ECM1: variants seen among roughly 807,000 people sequenced by gnomAD.
The protein encoded by ECM1 is secretory component p85.
Under a neutral mutation model 57.9 loss-of-function variants are expected in ECM1, and 54 were observed. That is an observed-to-expected ratio of 0.93 (90% CI 0.75 to 1.17). The LOEUF is 1.17. Among genes scored for constraint, ECM1 ranks in the 50% most tolerant of loss-of-function variants. ECM1 has a pLI of 0.00. For synonymous variants in ECM1, 237 were observed against 259.1 expected, an observed-to-expected ratio of 0.91 and a Z score of 0.82; for missense variants, 649 against 688.1, an observed-to-expected ratio of 0.94 and a Z score of 0.64.
intron 9 of ECM1, 106 bp from the exon 10 acceptor site, chr1:150,513,131 G>A: frequency 1.7e-6 from 2 of 1,195,672 alleles, no homozygotes; most frequent in South Asian, 2.5e-5. Flanking sequence ...ACGAGGGAGA[G>A]AGCAGTAGAA....
At chr1:150,512,997 A>G (rs1000924743) in intron 9 of ECM1, among the ~76,000 whole-genome samples, 185 bp downstream of exon 9, 8 of 152,062 alleles carry the variant, frequency 5.3e-5, no homozygotes, top group Non-Finnish European at 1.2e-4. Flanking sequence ...CCCCATCTCT[A>G]AGTTCCTATT....
At chr1:150,513,136 G>A in intron 9 of ECM1, 101 bp from the exon 10 acceptor site, 1 of 1,250,640 alleles carries the variant, frequency 8.0e-7, no homozygotes, top group South Asian at 1.2e-5. Context: ...GGAGAGAGCA[G>A]TAGAAGCTGA....
rs372595822 is a variant in ECM1 at position 150,509,700 on chromosome 1, G to A, written c.161G>A (p.Ser54Asn). The A allele has an allele frequency of 8.1e-5, 106 of 1,305,548 alleles. No individual in the cohort carries two copies. The highest frequency in any genetic ancestry group is 1.1e-4 in the Non-Finnish European group (101 of 939,058). 80.9% of individuals were successfully genotyped at this position (1,305,548 alleles called of 1,614,324 possible). A position where few individuals can be genotyped will look rare whatever the true frequency, so the allele number is the denominator to read the frequency against. Residue 54 changes from serine (S) to asparagine (N), a missense_variant, in exon 3 of 10, where the codon AGC becomes AAC. By Grantham distance (46) the Ser-to-Asn change is conservative. Coordinates refer to ENST00000369047, the MANE Select transcript of ECM1 (RefSeq NM_004425.4). ...CCCCCCTCCCCACCCCTATCCCGAA[G>A]CCTCCCCATGGATCACCCTGACTCC... ...AAPPSPPLSR[S>N]LPMDHPDSSQ...
At position 150,511,455 on chromosome 1, in the gene ECM1, A is replaced by G; in HGVS notation, c.709-2A>G. On this transcript the variant is annotated splice_acceptor_variant, in intron 6 of 9. Coordinates refer to ENST00000369047, the MANE Select transcript of ECM1 (RefSeq NM_004425.4). LOFTEE classifies it high-confidence loss of function. Reference sequence around the variant, plus strand: ...TGGGCTGATCCTCCCCTCTTGCTCTAGTGGGAGGAAGCAATGAGCCGATTC... The same window carrying G: ...TGGGCTGATCCTCCCCTCTTGCTCTGGTGGGAGGAAGCAATGAGCCGATTC... 6.2e-7 allele frequency: 1 copy of G among 1,613,932 alleles called. No individual in the cohort carries two copies. The highest frequency in any genetic ancestry group is 8.5e-7 in the Non-Finnish European group (1 of 1,179,942).
chr1:150,513,219 A>C lies in ECM1; in HGVS notation c.1393-18A>C. 1 of 1,613,204 alleles carries C rather than the reference A, an allele frequency of 6.2e-7. No individual in the cohort carries two copies. The highest frequency in any genetic ancestry group is 8.5e-7 in the Non-Finnish European group (1 of 1,179,262). ...ACCTCCCCACCCCATCATCTGTTTTACTTTTCTCATTCATCAGAAATTAAC... is the reference window on the plus strand; with the variant it reads ...ACCTCCCCACCCCATCATCTGTTTTCCTTTTCTCATTCATCAGAAATTAAC... On this transcript the variant is annotated intron_variant, in intron 9 of 9. Transcript: ENST00000369047.
chr1:150,508,381 G>A (rs1022047318), intron 1 of ECM1, 102 bp downstream of exon 1: 32 of 1,210,614 alleles, frequency 2.6e-5, no homozygotes, highest in Middle Eastern at 2.1e-4. Context: ...GTGATTCTCC[G>A]TTTGGCTTTC....
Position 150,511,463 on chromosome 1 carries a change from G to A in ECM1, c.715G>A (p.Glu239Lys), listed in dbSNP as rs1670438035. Residue 239 changes from glutamate (E) to lysine (K), a missense_variant, in exon 7 of 10, where the codon GAA becomes AAA. Transcript: ENST00000369047. ...RLECAKLVWEEAMSRFCEAEF... is the reference protein window; with the variant it reads ...RLECAKLVWEKAMSRFCEAEF... Reference sequence around the variant, plus strand: ...TCCTCCCCTCTTGCTCTAGTGGGAGGAAGCAATGAGCCGATTCTGTGAGGC... The same window carrying A: ...TCCTCCCCTCTTGCTCTAGTGGGAGAAAGCAATGAGCCGATTCTGTGAGGC... 3 of 1,614,102 alleles carry A rather than the reference G, an allele frequency of 1.9e-6. No individual in the cohort carries two copies. In the African/African-American group the frequency reaches 4.0e-5, roughly 22 times the overall value.
rs781095324 is a variant in ECM1 at position 150,510,978 on chromosome 1, G to T, written c.488G>T (p.Arg163Leu). 4 of 1,614,184 alleles carry T rather than the reference G, an allele frequency of 2.5e-6. No individual in the cohort carries two copies. The highest frequency in any genetic ancestry group is 3.4e-6 in the Non-Finnish European group (4 of 1,180,026). Residue 163 changes from arginine (R) to leucine (L), a missense_variant, in exon 6 of 10, where the codon CGG (arginine) becomes CTG (leucine). Transcript: ENST00000369047. ...QDRSQGGWGH[R>L]LDGFPPGRPS... ...CGGTCCCAAGGGGGCTGGGGCCACC[G>T]GCTGGATGGCTTCCCCCCTGGGCGG...
chr1:150,508,716 C>G (rs1670345115), intron 1 of ECM1, among the ~76,000 whole-genome samples: 1 of 152,114 alleles, frequency 6.6e-6, no homozygotes, highest in African/African-American at 2.4e-5. Flanking sequence ...CAGACCCACC[C>G]TCCATCCAGC....
chr1:150,509,429 C>A, intron 1 of ECM1, 102 bp from the exon 2 acceptor site: 1 of 1,320,060 alleles, frequency 7.6e-7, no homozygotes, highest in Non-Finnish European at 1.1e-6. Flanking sequence ...TCGTGTCTTG[C>A]TTGTCTGTCC....
chr1:150,513,316 C>T lies in ECM1; in HGVS notation c.1472C>T (p.Pro491Leu). 6.2e-7 allele frequency: 1 copy of T among 1,614,246 alleles called. No individual in the cohort carries two copies. Among genetic ancestry groups the T allele is most frequent in the Non-Finnish European group, 8.5e-7 (1 of 1,180,048 alleles). Reference sequence around the variant, plus strand: ...CCTGCCCTCTGCTGTTACCTGAGTCCTGGGGATGAACAGGTCAACTGCTTC... The same window carrying T: ...CCTGCCCTCTGCTGTTACCTGAGTCTTGGGGATGAACAGGTCAACTGCTTC... ...RDPALCCYLS[P>L]GDEQVNCFNI... Residue 491 changes from proline to leucine, a missense_variant, in exon 10 of 10, where the codon CCT becomes CTT. Pro to Leu is a moderately conservative substitution (Grantham distance 98). Transcript: ENST00000369047.
Position 150,513,283 on chromosome 1 carries a change from G to A in ECM1, c.1439G>A (p.Trp480Ter). ...CTGTGTGGTCCCCGACGTAACATCT[G>A]GCGAGACCCTGCCCTCTGCTGTTAC... The part of the protein sequence containing the change: ...NDLCGPRRNI[W>*]RDPALCCYLS... The change falls in exon 10 of 10, where the codon TGG becomes TAG. Residue 480 changes from tryptophan to a stop codon, truncating the protein, a stop_gained. Transcript: ENST00000369047. LOFTEE classifies it high-confidence loss of function. 6.2e-7 allele frequency: 1 copy of A among 1,614,204 alleles called. No homozygotes were observed. The highest frequency in any genetic ancestry group is 1.3e-5 in the African/African-American group (1 of 75,056).
chr1:150,511,303 CGTTCA>C (rs1670433774), intron 6 of ECM1, 105 bp downstream of exon 6: 1 of 1,582,358 alleles, frequency 6.3e-7, no homozygotes, highest in Admixed American at 1.7e-5. Flanking sequence ...CCTCAGGTCC[CGTTCA>C]CTGGCCCTAC....
At position 150,511,104 on chromosome 1, in the gene ECM1, G is replaced by A. The variant is rs147909184; in HGVS notation, c.614G>A (p.Arg205His). Reference sequence around the variant, plus strand: ...CAGTCCAGCTACTCCCACCTCACTCGCCAGGGTGAGACCCTCAATTTCCTG... The same window carrying A: ...CAGTCCAGCTACTCCCACCTCACTCACCAGGGTGAGACCCTCAATTTCCTG... ...LPQSSYSHLTRQGETLNFLEI... is the reference protein window; with the variant it reads ...LPQSSYSHLTHQGETLNFLEI... The change falls in exon 6 of 10, where the codon CGC becomes CAC. Residue 205 changes from arginine to histidine, a missense_variant. Transcript: ENST00000369047. 6.1e-5 allele frequency: 98 copies of A among 1,614,078 alleles called. No homozygotes were observed. Among genetic ancestry groups the A allele is most frequent in the Non-Finnish European group, 6.7e-5 (79 of 1,180,032 alleles).
intron 5 of ECM1, chr1:150,510,505 C>T (rs1670407716): frequency 3.6e-6 from 2 of 552,856 alleles, no homozygotes; most frequent in African/African-American, 3.8e-5. Flanking sequence ...CTCCTTCTAC[C>T]CAGTAGACCC....
rs1214878625 is a variant in ECM1 at position 150,511,532 on chromosome 1, CA to C, written c.785del (p.Gln262ArgfsTer54). 3 of 1,614,044 alleles carry C rather than the reference CA, an allele frequency of 1.9e-6. No homozygotes were observed. Among genetic ancestry groups the C allele is most frequent in the South Asian group, 2.2e-5 (2 of 91,086 alleles). ...KTRPHWCCTR[Q>X]GEARFSCFQE... is the part of the protein sequence containing the mutation. ...CCGACCCCACTGGTGCTGCACGCGG[CA>C]GGGGGAGGCTCGGTTCTCCTGCTTC... is the stretch of plus-strand genomic sequence containing the variant. On this transcript the variant is annotated frameshift_variant, in exon 7 of 10. Transcript: ENST00000369047. LOFTEE classifies it high-confidence loss of function.
chr1:150,511,147 C>G lies in ECM1; in HGVS notation c.657C>G (p.Arg219=), dbSNP rs776269625. The change falls in exon 6 of 10, where the codon CGC becomes CGG. Residue 219 remains arginine (R), a synonymous_variant. Coordinates refer to ENST00000369047, the MANE Select transcript of ECM1 (RefSeq NM_004425.4). ...TLNFLEIGYS[R]CCHCRSHTNR... ...ATTTCCTGGAGATTGGATATTCCCGCTGCTGCCACTGCCGCAGCCACACAA... is the reference window on the plus strand; with the variant it reads ...ATTTCCTGGAGATTGGATATTCCCGGTGCTGCCACTGCCGCAGCCACACAA... 5 of 1,614,262 alleles carry G rather than the reference C, an allele frequency of 3.1e-6. No individual in the cohort carries two copies. In the South Asian group the frequency reaches 5.5e-5, roughly 18 times the overall value.
rs1210698969 is a variant in ECM1 at position 150,512,734 on chromosome 1, T to C, written c.1314T>C (p.Ile438=). 1.9e-6 allele frequency: 3 copies of C among 1,613,886 alleles called. No individual in the cohort carries two copies. The highest frequency in any genetic ancestry group is 2.7e-5 in the African/African-American group (2 of 74,844). ...TTTCACACCAACATAGTAAACATATTCCTGGGCTGATCCACAACATGACTG... is the reference window on the plus strand; with the variant it reads ...TTTCACACCAACATAGTAAACATATCCCTGGGCTGATCCACAACATGACTG... ...NQRVLTKHKH[I]PGLIHNMTAR... The change falls in exon 9 of 10, where the codon ATT becomes ATC. Residue 438 remains isoleucine, a synonymous_variant. Transcript: ENST00000369047.
chr1:150,509,815 G>T (rs781643363), intron 3 of ECM1, 53 bp downstream of exon 3: 25 of 1,613,804 alleles, frequency 1.5e-5, no homozygotes, highest in East Asian at 2.2e-5. Context: ...TTCTAATCTG[G>T]CCTATATCCC....
Sources: allele counts gnomAD v4.1 joint callset (sites outside exome capture counted in the v4.1 genomes callset), GRCh38; gene constraint gnomAD v4.1.1; transcripts MANE v1.5; gene names NCBI Gene and HGNC (gene_info 2026-07-23, HGNC 2026-07-21).